Variants in RDH13 observed in about 807,000 individuals in gnomAD.
The protein encoded by RDH13 is retinol dehydrogenase 13, also known as retinol dehydrogenase 13 (all-trans and 9-cis).
A neutral mutation model predicts 28.3 loss-of-function variants in RDH13; 35 were observed. The ratio of observed to expected loss-of-function variants is 1.24; its 90% confidence interval spans 0.95 to 1.64. The LOEUF (loss-of-function observed/expected upper bound fraction) is 1.64. Among genes scored for constraint, RDH13 ranks in the 40% most tolerant of loss-of-function variants. The pLI is 0.00. For synonymous variants in RDH13, 229 were observed against 198.5 expected (o/e 1.15, Z -1.29); for missense variants, 514 against 446.3 (o/e 1.15, Z -1.37).
chr19:55,059,160 T>C lies in RDH13; in HGVS notation c.181A>G (p.Arg61Gly). The C allele has an allele frequency of 6.3e-7, 1 of 1,580,744 alleles. No individual in the cohort carries two copies. The highest frequency in any genetic ancestry group is 2.3e-5 in the East Asian group (1 of 43,632). ...GKQTALELAR[R>G]GGNIILACRD... ...GCCAAAGCAGGGGAGATTTTACCTC[T>C]CCTGGCCAGTTCCAAGGCGGTCTGC... Residue 61 changes from arginine (R) to glycine (G), a missense_variant, in exon 2 of 7, where the codon AGA (arginine) becomes GGA (glycine). Transcript: ENST00000415061.
intron 3 of RDH13, chr19:55,053,657 G>GA (rs35782389): frequency 0.015 from 2,038 of 131,724 alleles, 34 homozygotes; most frequent in African/African-American, 0.038. Context: ...TACCGTCTCA[G>GA]AAAAAAAAAA....
chr19:55,041,014 TACTC>T (rs1410983495), downstream of RDH13: 1 of 152,282 alleles, frequency 6.6e-6, no homozygotes, highest in African/African-American at 2.4e-5. Flanking sequence ...TAATCCCAGA[TACTC>T]AGGAGGCTGA....
In RDH13 at chr19:55,057,393, A is replaced by G. The variant is rs1022312449; in HGVS notation, c.185-585T>C. ...CACGGTGGCTCACACCTGTAATTCC[A>G]GCACTTTGGGAGGCCAAGGCAAGAG... On this transcript the variant is annotated intron_variant, in intron 2 of 6. Coordinates refer to ENST00000415061, the MANE Select transcript of RDH13 (RefSeq NM_001145971.2). Among the ~76,000 whole-genome samples, 4 of 151,504 alleles carry G rather than the reference A, an allele frequency of 2.6e-5. 1 individual carries two copies. The highest frequency in any genetic ancestry group is 2.0e-4 in the Admixed American group (3 of 15,180).
chr19:55,066,645 CTCTTTCTCTT>C (rs1438789724), upstream of RDH13, among the ~76,000 whole-genome samples: 1 of 126,270 alleles, frequency 7.9e-6, no homozygotes, highest in Non-Finnish European at 1.9e-5. Flanking sequence ...CTCTCTCTCC[CTCTTTCTCTT>C]TCTCTCTCTC....
intron 6 of RDH13, among the ~76,000 whole-genome samples, chr19:55,045,984 A>AC (rs2075216807): frequency 7.0e-6 from 1 of 141,946 alleles, no homozygotes; most frequent in African/African-American, 2.7e-5. Context: ...GTGGTGACTC[A>AC]CGCCTGTAAT....
rs949398253 is a variant in RDH13 at position 55,056,827 on chromosome 19, A to G, written c.185-19T>C. ...TTGCCTCCTGAAAACCCAGGATGGA[A>G]AAAGATTTAAATTAATAATCCACTC... On this transcript the variant is annotated intron_variant, in intron 2 of 6. Transcript: ENST00000415061. 1.9e-6 allele frequency: 3 copies of G among 1,604,344 alleles called. No individual in the cohort carries two copies. Among genetic ancestry groups the G allele is most frequent in the African/African-American group, 2.7e-5 (2 of 74,808 alleles).
upstream of RDH13, chr19:55,063,532 G>T: frequency 6.4e-6 from 1 of 155,650 alleles, no homozygotes; most frequent in South Asian, 1.8e-4. Flanking sequence ...ACAGAAACAA[G>T]GATCTAGTAG....
At chr19:55,045,353 A>G in intron 6 of RDH13, 44 bp from the exon 7 acceptor site, 2 of 1,499,234 alleles carry the variant, frequency 1.3e-6, no homozygotes, top group South Asian at 1.2e-5. Flanking sequence ...TCGCTCAGAG[A>G]GAAGGAAGGA....
At chr19:55,067,515 T>G (rs2075981991), upstream of RDH13, 1 of 105,846 alleles carries the variant, frequency 9.4e-6, no homozygotes, top group Non-Finnish European at 2.1e-5. Flanking sequence ...GCATGCAGGG[T>G]ATGGGAGGGG....
chr19:55,048,068 C>T lies in RDH13; in HGVS notation c.658+261G>A, dbSNP rs1051728338. The T allele has an allele frequency of 2.4e-4, 354 of 1,483,654 alleles. 1 individual carries two copies. Among genetic ancestry groups the T allele is most frequent in the Non-Finnish European group, 3.0e-4 (336 of 1,117,000 alleles). 91.9% of individuals were successfully genotyped at this position (1,483,654 alleles called of 1,614,324 possible). ...CACTGGCTGGAGCCAAAAGGCTGAG[C>T]TGCCTGCCCAACAGCAGCAGGGAAG... On this transcript the variant is annotated intron_variant, in intron 5 of 6. Coordinates refer to ENST00000415061, the MANE Select transcript of RDH13 (RefSeq NM_001145971.2).
intron 3 of RDH13, among the ~76,000 whole-genome samples, chr19:55,053,092 G>A (rs1356901441): frequency 1.3e-5 from 2 of 152,100 alleles, no homozygotes; most frequent in African/African-American, 4.8e-5. Flanking sequence ...CTAGTCGGGA[G>A]CTGGGAAGAG....
intron 3 of RDH13, among the ~76,000 whole-genome samples, chr19:55,051,742 T>C (rs1227291603): frequency 4.0e-5 from 6 of 150,768 alleles, no homozygotes; most frequent in Non-Finnish European, 1.5e-5. Flanking sequence ...TTTTTTTTTT[T>C]CTTTTTATGA....
intron 3 of RDH13, among the ~76,000 whole-genome samples, chr19:55,050,125 T>C (rs75389066): frequency 2.1e-5 from 1 of 47,310 alleles, no homozygotes; most frequent in African/African-American, 6.0e-5. Flanking sequence ...TTTTTTTTTT[T>C]GGGGGGGGGA....
At chr19:55,057,071 G>A (rs534664698) in intron 2 of RDH13, among the ~76,000 whole-genome samples, 6 of 152,152 alleles carry the variant, frequency 3.9e-5, no homozygotes, top group Admixed American at 6.6e-5. Context: ...AAGGATGACC[G>A]TCAGAAACAC....
chr19:55,052,064 T>A (rs2075459116), intron 3 of RDH13, among the ~76,000 whole-genome samples: 2 of 1,782 alleles, frequency 1.1e-3, no homozygotes, highest in African/African-American at 4.1e-3. Context: ...CTGCCTCAAC[T>A]TTTTTTTTTT....
downstream of RDH13, chr19:55,042,491 A>C (rs1388674593): frequency 6.6e-6 from 1 of 152,198 alleles, no homozygotes; most frequent in African/African-American, 2.4e-5. Flanking sequence ...CAATTTAAAA[A>C]AGGAAAGAGT....
chr19:55,065,349 A>C (rs1245045864), upstream of RDH13, among the ~76,000 whole-genome samples: 1 of 151,638 alleles, frequency 6.6e-6, no homozygotes, highest in African/African-American at 2.4e-5. Flanking sequence ...GTGCCACTGC[A>C]CCCCAGGCTG....
intron 5 of RDH13, 200 bp downstream of exon 5, chr19:55,048,129 G>C (rs1315667371): frequency 2.8e-5 from 43 of 1,531,924 alleles, no homozygotes; most frequent in Non-Finnish European, 3.5e-5. Context: ...CACCTGGGAT[G>C]AACAGACAAT....
chr19:55,048,842 G>T, intron 3 of RDH13, 79 bp from the exon 4 acceptor site: 3 of 1,245,754 alleles, frequency 2.4e-6, no homozygotes, highest in Non-Finnish European at 3.5e-6. Flanking sequence ...ACACTCCTGT[G>T]CTCCCACAAC....
Sources: gnomAD v4.1 joint callset for allele counts (sites outside exome capture counted in the v4.1 genomes callset) on GRCh38, gnomAD v4.1.1 for gene constraint, MANE v1.5 for transcripts, NCBI Gene and HGNC (gene_info 2026-07-23, HGNC 2026-07-21) for gene names.